CCSER1: variants seen among roughly 807,000 people sequenced by gnomAD.
CCSER1 encodes the protein coiled-coil serine rich protein 1, also known as serine-rich coiled-coil domain-containing protein 1.
Under a neutral mutation model 82.0 loss-of-function variants are expected in CCSER1, and 41 were observed. The observed-to-expected ratio is 0.50, with a 90% confidence interval of 0.39 to 0.65. The LOEUF (loss-of-function observed/expected upper bound fraction) is 0.65, where lower values mean the gene tolerates loss of function less well. Ranked by LOEUF, CCSER1 falls within the 30% of genes least tolerant of loss-of-function variation. The pLI is 0.00. For missense variants in CCSER1, 1,119 were observed against 1,064.2 expected (o/e 1.05, Z -0.72); for synonymous variants, 414 against 383.9 (o/e 1.08, Z -0.92).
chr4:91,196,422 G>C (rs1473855129), intron 10 of CCSER1, among the ~76,000 whole-genome samples: 1 of 151,962 alleles, frequency 6.6e-6, no homozygotes, highest in East Asian at 1.9e-4. Flanking sequence ...AACACCACAA[G>C]AGTCAGAAAT....
At chr4:91,205,340 A>G (rs1338388923) in intron 10 of CCSER1, among the ~76,000 whole-genome samples, 8 of 151,858 alleles carry the variant, frequency 5.3e-5, no homozygotes, top group South Asian at 2.1e-4. Context: ...ATTATTGTTA[A>G]TAAGTATCAG....
chr4:90,642,204 T>C (rs1209580927), intron 6 of CCSER1: 1 of 156,060 alleles, frequency 6.4e-6, no homozygotes, highest in Non-Finnish European at 1.4e-5. Flanking sequence ...TTTACTGAAA[T>C]TATGTTTTGT....
At chr4:90,345,748 AT>A (rs759257834) in intron 3 of CCSER1, among the ~76,000 whole-genome samples, 15 of 151,784 alleles carry the variant, frequency 9.9e-5, no homozygotes, top group Non-Finnish European at 1.9e-4. Context: ...TATCTCTTAG[AT>A]TAATTCAATA....
chr4:91,180,918 G>A (rs1733958632), intron 10 of CCSER1, among the ~76,000 whole-genome samples: 1 of 145,752 alleles, frequency 6.9e-6, no homozygotes, highest in Non-Finnish European at 1.5e-5. Flanking sequence ...CAAGAGATGG[G>A]CCAAATTAAA....
chr4:90,879,546 AG>A (rs1720918298), intron 8 of CCSER1, among the ~76,000 whole-genome samples: 1 of 6,982 alleles, frequency 1.4e-4, no homozygotes, highest in Admixed American at 2.8e-3. Context: ...AGAAGAAAGA[AG>A]AAGAAGAGGA....
intron 3 of CCSER1, among the ~76,000 whole-genome samples, chr4:90,344,329 T>C (rs1367346711): frequency 6.6e-6 from 1 of 152,230 alleles, no homozygotes; most frequent in Non-Finnish European, 1.5e-5. Flanking sequence ...TTTAGTATCA[T>C]ATTTCAAGAT....
In CCSER1 at chr4:90,514,205, C is replaced by T. The variant is rs114774538; in HGVS notation, c.1724+45851C>T. 8.5e-3 allele frequency among the ~76,000 whole-genome samples: 1,296 copies of T among 152,108 alleles called. 9 individuals are homozygous for T. Among genetic ancestry groups the T allele is most frequent in the Middle Eastern group, 0.02 (6 of 294 alleles). ...ATTCTTTCATAACTCTTGAATTTGA[C>T]GAGATTAAGCTCTGGATGAATGATT... On this transcript the variant is annotated intron_variant, in intron 5 of 10. Transcript: ENST00000509176.
chr4:91,227,316 G>T (rs1349496875), intron 10 of CCSER1, among the ~76,000 whole-genome samples: 1 of 151,566 alleles, frequency 6.6e-6, no homozygotes, highest in Non-Finnish European at 1.5e-5. Context: ...AGCAAATAAA[G>T]GAGATCAGCA....
rs866602143 is a variant in CCSER1 at position 90,815,789 on chromosome 4, C to A, written c.2038C>A (p.Leu680Ile). 2 of 1,550,972 alleles carry A rather than the reference C, an allele frequency of 1.3e-6. No individual in the cohort carries two copies. The highest frequency in any genetic ancestry group is 1.4e-5 in the African/African-American group (1 of 73,108). ...TATAATGAAAGATGAATGCTCGATG[C>A]TCAAGCTGCAGCTGAAAGAGAAGGA... ...KDIMKDECSMLKLQLKEKDEL... is the reference protein window; with the variant it reads ...KDIMKDECSMIKLQLKEKDEL... The change falls in exon 8 of 11, where the codon CTC (leucine) becomes ATC (isoleucine). Residue 680 changes from leucine (L) to isoleucine (I), a missense_variant. Coordinates refer to ENST00000509176, the MANE Select transcript of CCSER1 (RefSeq NM_001145065.2).
chr4:91,425,546 A>G (rs1753918692), intron 10 of CCSER1, among the ~76,000 whole-genome samples: 1 of 152,328 alleles, frequency 6.6e-6, no homozygotes, highest in East Asian at 1.9e-4. Flanking sequence ...TTGCTATATT[A>G]CCATAATTGA....
intron 10 of CCSER1, among the ~76,000 whole-genome samples, chr4:91,171,966 T>C (rs1732805555): frequency 6.6e-6 from 1 of 152,134 alleles, no homozygotes; most frequent in Non-Finnish European, 1.5e-5. Context: ...TGGTTCATTT[T>C]TCCCCAAAGA....
At chr4:91,561,044 T>G (rs1762629334) in intron 10 of CCSER1, among the ~76,000 whole-genome samples, 1 of 151,382 alleles carries the variant, frequency 6.6e-6, no homozygotes, top group African/African-American at 2.4e-5. Context: ...CATGTATTTG[T>G]AAAGCTTTAA....
At chr4:90,320,031 T>G (rs1258727989) in intron 3 of CCSER1, among the ~76,000 whole-genome samples, 1 of 152,218 alleles carries the variant, frequency 6.6e-6, no homozygotes, top group Non-Finnish European at 1.5e-5. Flanking sequence ...TTCCAGTTAC[T>G]AATCATATTT....
At chr4:90,532,281 T>G (rs1774629813) in intron 5 of CCSER1, among the ~76,000 whole-genome samples, 1 of 152,178 alleles carries the variant, frequency 6.6e-6, no homozygotes. Context: ...ATCTCTAAAT[T>G]CAGCAGGCAC....
chr4:90,195,577 G>A (rs1274690139), intron 1 of CCSER1, among the ~76,000 whole-genome samples: 2 of 152,040 alleles, frequency 1.3e-5, no homozygotes, highest in African/African-American at 2.4e-5. Flanking sequence ...GCAAGACCAA[G>A]CATGAACTCT....
chr4:90,187,889 C>T (rs530876868), intron 1 of CCSER1, among the ~76,000 whole-genome samples: 91 of 151,888 alleles, frequency 6.0e-4, no homozygotes, highest in Middle Eastern at 3.4e-3. Flanking sequence ...ACATTAGAAA[C>T]AGTTGCAGAA....
intron 10 of CCSER1, among the ~76,000 whole-genome samples, chr4:91,181,798 GT>G (rs1734056186): frequency 6.6e-6 from 1 of 152,142 alleles, no homozygotes; most frequent in South Asian, 2.1e-4. Flanking sequence ...TTACAAATAG[GT>G]TTTTGAGGGC....
At chr4:90,355,700 CT>C (rs1456973088) in intron 3 of CCSER1, among the ~76,000 whole-genome samples, 2 of 151,910 alleles carry the variant, frequency 1.3e-5, no homozygotes, top group African/African-American at 2.4e-5. Flanking sequence ...TCTTCTTAAT[CT>C]GTAATTATAT....
intron 9 of CCSER1, among the ~76,000 whole-genome samples, chr4:91,056,990 T>C (rs1040551770): frequency 6.6e-6 from 1 of 152,152 alleles, no homozygotes; most frequent in Non-Finnish European, 1.5e-5. Context: ...AAGAATTCCT[T>C]TCAGCCAGAG....
Sources: gnomAD v4.1 joint callset for allele counts (sites outside exome capture counted in the v4.1 genomes callset) on GRCh38, gnomAD v4.1.1 for gene constraint, MANE v1.5 for transcripts, NCBI Gene and HGNC (gene_info 2026-07-23, HGNC 2026-07-21) for gene names.